The following TEX10 variants were observed in gnomAD, a reference collection of about 807,000 sequenced individuals.
The protein encoded by TEX10 is testis-expressed protein 10.
Under a neutral mutation model 104.4 loss-of-function variants are expected in TEX10, and 24 were observed. That is an observed-to-expected ratio of 0.23 (90% CI 0.17 to 0.32). The LOEUF (loss-of-function observed/expected upper bound fraction) is 0.32. Ranked by LOEUF, TEX10 falls within the 10% of genes least tolerant of loss-of-function variation. The probability of loss-of-function intolerance (pLI) is 1.00; values close to 1 mark genes in which losing one functional copy is unlikely to be tolerated. For missense variants in TEX10, 921 were observed against 1,083.9 expected, an observed-to-expected ratio of 0.85 and a Z score of 2.11; for synonymous variants, 396 against 393.4, an observed-to-expected ratio of 1.01 and a Z score of -0.08.
intron 5 of TEX10, among the ~76,000 whole-genome samples, chr9:100,336,537 C>A (rs1342644521): frequency 3.9e-5 from 6 of 152,200 alleles, no homozygotes; most frequent in African/African-American, 1.2e-4. Context: ...TCTCCCATCA[C>A]CCCCAGATAA....
In TEX10 at chr9:100,349,132, T is replaced by C. The variant is rs373902205; in HGVS notation, c.180+52A>G. 3,283 of 1,439,978 alleles carry C rather than the reference T, an allele frequency of 2.3e-3. 7 individuals are homozygous for C. Among genetic ancestry groups the C allele is most frequent in the Non-Finnish European group, 2.8e-3 (3,042 of 1,086,580 alleles). The allele number at this position is 1,439,978 out of a possible 1,614,324, so 89.2% of individuals were successfully genotyped here. A position where few individuals can be genotyped will look rare whatever the true frequency, so the allele number is the denominator to read the frequency against. On this transcript the variant is annotated intron_variant, in intron 2 of 14. Transcript: ENST00000374902. ...AAATTTTCACAAAAATATAACATTC[T>C]ACACGATTCCAAAGAAAATCTTATT...
chr9:100,310,192 A>G, intron 12 of TEX10, 107 bp downstream of exon 12: 1 of 885,430 alleles, frequency 1.1e-6, no homozygotes, highest in Non-Finnish European at 1.8e-6. Context: ...CTATGATATC[A>G]TTAATCTTAG....
chr9:100,340,813 C>T (rs1424424390), intron 4 of TEX10, among the ~76,000 whole-genome samples: 4 of 152,180 alleles, frequency 2.6e-5, no homozygotes, highest in Admixed American at 6.5e-5. Context: ...TTTATCATTT[C>T]CCTCCTATGG....
chr9:100,339,245 C>CAAAA (rs1182764934), intron 5 of TEX10, among the ~76,000 whole-genome samples: 1 of 29,410 alleles, frequency 3.4e-5, no homozygotes, highest in African/African-American at 1.2e-4. Context: ...GACTCCATCT[C>CAAAA]AAAAAAAAAA....
intron 7 of TEX10, among the ~76,000 whole-genome samples, chr9:100,328,193 T>C (rs1317117509): frequency 6.6e-6 from 1 of 152,216 alleles, no homozygotes; most frequent in African/African-American, 2.4e-5. Context: ...AAATTGTATT[T>C]TTATTTTGAA....
At chr9:100,325,729 C>T (rs1420759555) in intron 9 of TEX10, among the ~76,000 whole-genome samples, 1 of 152,098 alleles carries the variant, frequency 6.6e-6, no homozygotes, top group East Asian at 1.9e-4. Flanking sequence ...TGGGGTTTCA[C>T]CATGCTGGCC....
intron 13 of TEX10, chr9:100,307,964 G>C (rs552379748): frequency 6.6e-6 from 1 of 152,218 alleles, no homozygotes; most frequent in South Asian, 2.1e-4. Context: ...ACACAAATAA[G>C]AACACAAGCA....
At chr9:100,332,596 C>T (rs543778391) in intron 5 of TEX10, among the ~76,000 whole-genome samples, 65 of 151,970 alleles carry the variant, frequency 4.3e-4, no homozygotes, top group Non-Finnish European at 6.6e-4. Flanking sequence ...CCGAGGTGGG[C>T]GGATCACGAG....
intron 5 of TEX10, among the ~76,000 whole-genome samples, chr9:100,339,528 T>C (rs1295379454): frequency 6.6e-6 from 1 of 151,760 alleles, no homozygotes; most frequent in East Asian, 1.9e-4. Context: ...GAAATAGCTG[T>C]ATTGCTTCCA....
At chr9:100,331,646 A>G (rs1274165529) in intron 5 of TEX10, among the ~76,000 whole-genome samples, 1 of 152,252 alleles carries the variant, frequency 6.6e-6, no homozygotes, top group East Asian at 1.9e-4. Context: ...CTGGAAAGGT[A>G]AAATGAAACC....
Position 100,346,736 on chromosome 9 carries a change from T to C in TEX10, c.851A>G (p.Asn284Ser). The change falls in exon 3 of 15, where the codon AAT becomes AGT. Residue 284 changes from asparagine (N) to serine (S), a missense_variant. Transcript: ENST00000374902. ...ACTGACATTTGGCTGTGAACCCCCA[T>C]TTTCATAAACCTGGATGTGTTGCTG... ...NDQQHIQVYE[N>S]GGSQPNVSSQ... The C allele has an allele frequency of 6.2e-7, 1 of 1,614,014 alleles. No individual in the cohort carries two copies. The highest frequency in any genetic ancestry group is 1.1e-5 in the South Asian group (1 of 91,080).
At position 100,349,321 on chromosome 9, in the gene TEX10, T is replaced by C; in HGVS notation, c.43A>G (p.Lys15Glu). ...RKRQHDFQKV[K>E]LKVGKKKPKL... The stretch of plus-strand genomic sequence containing the variant: ...GGCTTCTTTTTACCAACTTTCAATT[T>C]TACTTTTTGAAAATCATGTTGGCGT... The change falls in exon 2 of 15, where the codon AAA (lysine) becomes GAA (glutamate). Residue 15 changes from lysine (K) to glutamate (E), a missense_variant. Around this residue, in one of 3 missense-constraint regions of TEX10, gnomAD observed 118 missense variants for 111.3 expected, o/e 1.06. Transcript: ENST00000374902. 1 of 1,597,320 alleles carries C rather than the reference T, an allele frequency of 6.3e-7. No homozygotes were observed. The highest frequency in any genetic ancestry group is 1.2e-5 in the South Asian group (1 of 86,362).
At chr9:100,302,460 T>C (rs1345154481) in intron 14 of TEX10, among the ~76,000 whole-genome samples, 156 bp from the exon 15 acceptor site, 3 of 152,236 alleles carry the variant, frequency 2.0e-5, no homozygotes, top group African/African-American at 7.2e-5. Context: ...CAGGGAACTA[T>C]TAATTGGGCA....
intron 5 of TEX10, among the ~76,000 whole-genome samples, chr9:100,331,045 C>A (rs1834849976): frequency 6.6e-6 from 1 of 151,114 alleles, no homozygotes; most frequent in East Asian, 2.0e-4. Context: ...CACCTGAGGT[C>A]AGGAGTTCAA....
chr9:100,316,910 A>AAAAAAAAAAAAC (rs1564205987), intron 11 of TEX10, among the ~76,000 whole-genome samples: 3 of 145,890 alleles, frequency 2.1e-5, no homozygotes, highest in Non-Finnish European at 1.5e-5. Flanking sequence ...AAAAAAAAAA[A>AAAAAAAAAAAAC]AAAAAACCTA....
intron 4 of TEX10, among the ~76,000 whole-genome samples, chr9:100,343,977 T>A (rs1225417915): frequency 6.6e-6 from 1 of 152,240 alleles, no homozygotes; most frequent in Non-Finnish European, 1.5e-5. Context: ...TCATTTTGTA[T>A]AGAATGCTAC....
At chr9:100,328,632 A>C (rs1358120397) in intron 7 of TEX10, among the ~76,000 whole-genome samples, 1 of 152,238 alleles carries the variant, frequency 6.6e-6, no homozygotes, top group Non-Finnish European at 1.5e-5. Flanking sequence ...ATGTTGAGGT[A>C]TCCCAAATCT....
chr9:100,302,317 A>C lies in TEX10; in HGVS notation c.2677-13T>G. On this transcript the variant is annotated splice_polypyrimidine_tract_variant and intron_variant, in intron 14 of 14. Transcript: ENST00000374902. ...CACTCTTCAATGTCTGGAGAGAAAA[A>C]CAAGAGTAATCTGAGAACTGCACCC... 2 of 1,591,438 alleles carry C rather than the reference A, an allele frequency of 1.3e-6. No homozygotes were observed. The highest frequency in any genetic ancestry group is 1.7e-6 in the Non-Finnish European group (2 of 1,161,754).
rs192511800 is a variant in TEX10, at chr9:100,308,393, T to G, written c.2465+107A>C. 4.2e-5 allele frequency: 37 copies of G among 883,674 alleles called. No individual in the cohort carries two copies. In the African/African-American group the frequency reaches 5.9e-4, roughly 14 times the overall value. 54.7% of individuals were successfully genotyped at this position (883,674 alleles called of 1,614,324 possible). On this transcript the variant is annotated intron_variant, in intron 13 of 14. Transcript: ENST00000374902. Reference sequence around the variant, plus strand: ...CTGACACAAACTCTCTGAAACAGAATTTAAGGTATCTGTATAACCTAATTA... The same window carrying G: ...CTGACACAAACTCTCTGAAACAGAAGTTAAGGTATCTGTATAACCTAATTA...
Sources: allele counts gnomAD v4.1 joint callset (sites outside exome capture counted in the v4.1 genomes callset), GRCh38; gene constraint gnomAD v4.1.1; regional missense constraint gnomAD v4.1.1; transcripts MANE v1.5; gene names NCBI Gene and HGNC (gene_info 2026-07-23, HGNC 2026-07-21).